Variants in CLSTN2 observed in about 807,000 individuals in gnomAD.
CLSTN2 encodes calsyntenin-2.
A neutral mutation model predicts 101.2 loss-of-function variants in CLSTN2; 48 were observed. The observed-to-expected ratio is 0.47, with a 90% CI of 0.38 to 0.60. The LOEUF (loss-of-function observed/expected upper bound fraction) is 0.60. Ranked by LOEUF, CLSTN2 falls within the 20% of genes least tolerant of loss-of-function variation. The probability of loss-of-function intolerance (pLI) is 0.00; values close to 1 mark genes in which losing one functional copy is unlikely to be tolerated. For missense variants in CLSTN2, 1,160 were observed against 1,238.2 expected (o/e 0.94, Z 0.95); for synonymous variants, 481 against 463.6 (o/e 1.04, Z -0.48).
intron 2 of CLSTN2, among the ~76,000 whole-genome samples, chr3:140,342,837 A>C (rs541152293): frequency 6.6e-6 from 1 of 152,288 alleles, no homozygotes; most frequent in Admixed American, 6.5e-5. Flanking sequence ...CAGCCTCTGC[A>C]TGTGGTTTGG....
intron 2 of CLSTN2, among the ~76,000 whole-genome samples, chr3:140,222,667 A>G (rs1177588992): frequency 1.3e-5 from 2 of 152,144 alleles, no homozygotes; most frequent in Admixed American, 1.3e-4. Flanking sequence ...AGTATTTGCT[A>G]ACACAGCAGG....
intron 1 of CLSTN2, among the ~76,000 whole-genome samples, chr3:140,058,368 A>G (rs2008136980): frequency 6.6e-6 from 1 of 152,190 alleles, no homozygotes; most frequent in South Asian, 2.1e-4. Context: ...TTAGGATTTT[A>G]TTAATGATGG....
At position 140,427,213 on chromosome 3, in the gene CLSTN2, ATATATATATATGTGTG is replaced by A. The variant is rs2088579564; in HGVS notation, c.787+5951_787+5966del. On this transcript the variant is annotated intron_variant, in intron 5 of 16. Transcript: ENST00000458420. ...TATATATATATATATATGTGTATAT[ATATATATATATGTGTG>A]TATATATATATATATACATATATAT... Among the ~76,000 whole-genome samples, 10 of 76,326 alleles carry A rather than the reference ATATATATATATGTGTG, an allele frequency of 1.3e-4. 1 individual carries two copies. Among genetic ancestry groups the A allele is most frequent in the African/African-American group, 5.7e-4 (6 of 10,442 alleles). The allele number at this position is 76,326 out of a possible 152,430, so 50.1% of individuals were successfully genotyped here. A position where few individuals can be genotyped will look rare whatever the true frequency, so the allele number is the denominator to read the frequency against.
At chr3:140,377,214 G>T (rs890694383) in intron 2 of CLSTN2, among the ~76,000 whole-genome samples, 4 of 152,032 alleles carry the variant, frequency 2.6e-5, no homozygotes, top group Admixed American at 2.6e-4. Flanking sequence ...TGGTGATGTT[G>T]GTATAAACAA....
At chr3:140,370,278 G>T (rs886403974) in intron 2 of CLSTN2, among the ~76,000 whole-genome samples, 1 of 151,964 alleles carries the variant, frequency 6.6e-6, no homozygotes, top group African/African-American at 2.4e-5. Flanking sequence ...CAGTCAAGGT[G>T]CAGAATCGCT....
rs141728193 is a variant in CLSTN2 at position 140,429,863 on chromosome 3, G to GGCA, written c.787+8591_787+8593dup. Among the ~76,000 whole-genome samples the GGCA allele has an allele frequency of 3.9e-3, 599 of 152,232 alleles. 4 individuals are homozygous for GGCA. Among genetic ancestry groups the GGCA allele is most frequent in the African/African-American group, 0.014 (571 of 41,536 alleles). On this transcript the variant is annotated intron_variant, in intron 5 of 16. Transcript: ENST00000458420. ...ACTCCATAGGCAAAGGGACAAAGGT[G>GGCA]GCAGTTGGGCGTGTCTGGGGCTGAA...
intron 1 of CLSTN2, among the ~76,000 whole-genome samples, chr3:140,153,216 G>C (rs2009895566): frequency 6.6e-6 from 1 of 152,200 alleles, no homozygotes; most frequent in Admixed American, 6.5e-5. Flanking sequence ...TGTAGCCAGG[G>C]GCTGCTTTAT....
At chr3:140,257,578 G>A (rs1371540795) in intron 2 of CLSTN2, among the ~76,000 whole-genome samples, 1 of 151,656 alleles carries the variant, frequency 6.6e-6, no homozygotes, top group African/African-American at 2.4e-5. Flanking sequence ...GTGTGTGTGT[G>A]TGTGTGTGTG....
chr3:140,465,273 C>A (rs775791405), intron 7 of CLSTN2, among the ~76,000 whole-genome samples: 1 of 152,192 alleles, frequency 6.6e-6, no homozygotes, highest in Non-Finnish European at 1.5e-5. Flanking sequence ...GTAAGTGTAT[C>A]CATTTTACAT....
At chr3:140,128,153 A>G (rs1560103387) in intron 1 of CLSTN2, among the ~76,000 whole-genome samples, 1 of 152,182 alleles carries the variant, frequency 6.6e-6, no homozygotes, top group Non-Finnish European at 1.5e-5. Flanking sequence ...CTTTCATCAG[A>G]TTTCCTAAGA....
chr3:140,028,264 TG>T (rs2007462571), intron 1 of CLSTN2, among the ~76,000 whole-genome samples: 1 of 152,308 alleles, frequency 6.6e-6, no homozygotes, highest in East Asian at 1.9e-4. Context: ...TCCCAGCAAG[TG>T]GCAGGCATGC....
At chr3:140,244,007 C>T (rs997301573) in intron 2 of CLSTN2, among the ~76,000 whole-genome samples, 1 of 152,200 alleles carries the variant, frequency 6.6e-6, no homozygotes, top group Admixed American at 6.5e-5. Flanking sequence ...ATTCCATGGT[C>T]CCTCTCCTGT....
intron 4 of CLSTN2, among the ~76,000 whole-genome samples, chr3:140,409,702 A>G (rs962261616): frequency 3.9e-5 from 6 of 152,136 alleles, no homozygotes; most frequent in African/African-American, 1.2e-4. Flanking sequence ...TAAGTAACCA[A>G]CTCCAAAGAA....
intron 1 of CLSTN2, among the ~76,000 whole-genome samples, chr3:139,981,244 T>C (rs1935914890): frequency 6.6e-6 from 1 of 152,332 alleles, no homozygotes; most frequent in African/African-American, 2.4e-5. Flanking sequence ...CGAATTGCCC[T>C]CTTTGTGAAA....
At chr3:140,389,068 T>C (rs1189578681) in intron 2 of CLSTN2, among the ~76,000 whole-genome samples, 1 of 152,246 alleles carries the variant, frequency 6.6e-6, no homozygotes, top group Non-Finnish European at 1.5e-5. Context: ...TAGAGTTGAA[T>C]TAAATTTGCT....
chr3:140,399,697 A>C (rs1166908784), intron 2 of CLSTN2, among the ~76,000 whole-genome samples: 1 of 152,154 alleles, frequency 6.6e-6, no homozygotes, highest in Non-Finnish European at 1.5e-5. Flanking sequence ...TTTTAATTTG[A>C]CTTCCATTTT....
Position 140,403,748 on chromosome 3 carries a change from A to C in CLSTN2, c.352A>C (p.Lys118Gln). The C allele has an allele frequency of 6.2e-7, 1 of 1,614,190 alleles. No individual in the cohort carries two copies. The highest frequency in any genetic ancestry group is 2.2e-5 in the East Asian group (1 of 44,880). ...GAGCCCCATTGACTGTGAGTTGCAG[A>C]AGGAGTACACATTCATCATCCAGGC... is the stretch of plus-strand genomic sequence containing the variant. ...AKSPIDCELQ[K>Q]EYTFIIQAYD... Residue 118 changes from lysine (K) to glutamine (Q), a missense_variant, in exon 3 of 17, where the codon AAG becomes CAG. By Grantham distance (53) the Lys-to-Gln change is moderately conservative. Coordinates refer to ENST00000458420, the MANE Select transcript of CLSTN2 (RefSeq NM_022131.3).
intron 4 of CLSTN2, among the ~76,000 whole-genome samples, chr3:140,412,874 G>A (rs757491811): frequency 6.6e-6 from 1 of 152,134 alleles, no homozygotes; most frequent in South Asian, 2.1e-4. Flanking sequence ...AAACTTTTCG[G>A]ATGTAGGAAA....
chr3:140,361,901 C>T (rs1327372695), intron 2 of CLSTN2, among the ~76,000 whole-genome samples: 1 of 152,194 alleles, frequency 6.6e-6, no homozygotes, highest in South Asian at 2.1e-4. Flanking sequence ...TGGCAGTTCT[C>T]CACAAATTCA....
Sources: allele counts gnomAD v4.1 joint callset (sites outside exome capture counted in the v4.1 genomes callset), GRCh38; gene constraint gnomAD v4.1.1; transcripts MANE v1.5; gene names NCBI Gene and HGNC (gene_info 2026-07-23, HGNC 2026-07-21).